Variants in CLHC1 observed in about 807,000 individuals in gnomAD.
CLHC1 encodes the protein clathrin heavy chain linker domain-containing protein 1.
A neutral mutation model predicts 69.5 loss-of-function variants in CLHC1; 72 were observed. The ratio of observed to expected loss-of-function variants is 1.04; its 90% confidence interval spans 0.86 to 1.26. The LOEUF is 1.26. Ranked by LOEUF, CLHC1 falls within the 50% of genes most tolerant of loss-of-function variation. CLHC1 has a pLI of 0.00. For missense variants in CLHC1, 790 were observed against 679.3 expected (o/e 1.16, Z -1.81); for synonymous variants, 223 against 224.3 (o/e 0.99, Z 0.05).
intron 9 of CLHC1, among the ~76,000 whole-genome samples, chr2:55,203,279 T>A (rs971222152): frequency 1.3e-5 from 2 of 152,134 alleles, no homozygotes; most frequent in African/African-American, 4.8e-5. Flanking sequence ...CAAAATACCA[T>A]GAAATTCTTC....
At chr2:55,200,501 C>G (rs1012662047) in intron 9 of CLHC1, among the ~76,000 whole-genome samples, 1 of 151,896 alleles carries the variant, frequency 6.6e-6, no homozygotes, top group South Asian at 2.1e-4. Flanking sequence ...TATATATGCC[C>G]CTAACACTGG....
chr2:55,200,952 A>G (rs1671891438), intron 9 of CLHC1, among the ~76,000 whole-genome samples: 1 of 152,190 alleles, frequency 6.6e-6, no homozygotes. Flanking sequence ...TGAAGAGATT[A>G]ACAAGGAAAT....
At chr2:55,215,525 C>T (rs182224974) in intron 4 of CLHC1, among the ~76,000 whole-genome samples, 7 of 152,290 alleles carry the variant, frequency 4.6e-5, no homozygotes, top group African/African-American at 7.2e-5. Flanking sequence ...ATTTCGTTGG[C>T]CCCAGATAAA....
Position 55,175,786 on chromosome 2 carries a change from A to G in CLHC1, c.*4T>C, listed in dbSNP as rs372321544. 2 of 1,611,930 alleles carry G rather than the reference A, an allele frequency of 1.2e-6. No homozygotes were observed. Among genetic ancestry groups the G allele is most frequent in the Non-Finnish European group, 1.7e-6 (2 of 1,178,384 alleles). ...AAGCTCCCTCAGCTGGTTAAGATAT[A>G]GAACTACCAAAACACATGTTCCATT... is the stretch of plus-strand genomic sequence containing the variant. On this transcript the variant is annotated 3_prime_UTR_variant, in exon 13 of 13. Coordinates refer to ENST00000401408, the MANE Select transcript of CLHC1 (RefSeq NM_152385.4).
chr2:55,202,787 G>A (rs1392891104), intron 9 of CLHC1, among the ~76,000 whole-genome samples: 4 of 147,822 alleles, frequency 2.7e-5, no homozygotes, highest in Non-Finnish European at 4.5e-5. Context: ...TTGGCCCAGC[G>A]ACTCGGGAGG....
rs746737398 is a variant in CLHC1, at chr2:55,206,346, A to T, written c.930T>A (p.Tyr310Ter). 6.2e-7 allele frequency: 1 copy of T among 1,608,522 alleles called. No homozygotes were observed. The highest frequency in any genetic ancestry group is 8.5e-7 in the Non-Finnish European group (1 of 1,175,562). Reference protein sequence around the residue: ...RFNELISLGEYEKAACYAANS... With the variant: ...RFNELISLGE ...TTGCTGCATAACAAGCTGCCTTTTC[A>T]TATTCACCAAGTGAGATTAACTCAT... The change falls in exon 9 of 13, where the codon TAT (tyrosine) becomes TAA (stop). Residue 310 changes from tyrosine to a stop codon, truncating the protein, a stop_gained. Transcript: ENST00000401408. LOFTEE classifies it high-confidence loss of function.
At position 55,172,832 on chromosome 2, in the gene CLHC1, G is replaced by T. The variant is rs1378210875; in HGVS notation, c.*2958C>A. 6.6e-6 allele frequency among the ~76,000 whole-genome samples: 1 copy of T among 151,998 alleles called. No homozygotes were observed. The stretch of plus-strand genomic sequence containing the variant: ...AGTTAAAAAAGTGATTAATTTAATG[G>T]TCATTTCTTAGTTAATTCAGGATTT... On this transcript the variant is annotated 3_prime_UTR_variant, in exon 13 of 13. Coordinates refer to ENST00000401408, the MANE Select transcript of CLHC1 (RefSeq NM_152385.4).
intron 7 of CLHC1, 145 bp from the exon 8 acceptor site, chr2:55,208,855 T>A (rs964420868): frequency 5.0e-5 from 21 of 417,826 alleles, no homozygotes; most frequent in Non-Finnish European, 8.5e-5. Flanking sequence ...GGCCTCCCCG[T>A]CCCTTTCCTC....
rs750739529 is a variant in CLHC1 at position 55,173,872 on chromosome 2, TAAC to T, written c.*1915_*1917del. Among the ~76,000 whole-genome samples the T allele has an allele frequency of 6.6e-6, 1 of 152,162 alleles. No homozygotes were observed. Among genetic ancestry groups the T allele is most frequent in the African/African-American group, 2.4e-5 (1 of 41,436 alleles). On this transcript the variant is annotated 3_prime_UTR_variant, in exon 13 of 13. Transcript: ENST00000401408. ...AAGGAAAAACAAGGCAAAATTAGAA[TAAC>T]AACAACAACCGCTGTTTAAGCTTTC...
At chr2:55,229,525 C>T (rs1277506481) in intron 1 of CLHC1, among the ~76,000 whole-genome samples, 2 of 152,118 alleles carry the variant, frequency 1.3e-5, no homozygotes, top group East Asian at 3.8e-4. Flanking sequence ...AGGTAACTGC[C>T]AGATTATGTA....
At chr2:55,191,652 T>C (rs917472514) in intron 9 of CLHC1, among the ~76,000 whole-genome samples, 2 of 152,108 alleles carry the variant, frequency 1.3e-5, no homozygotes, top group African/African-American at 4.8e-5. Flanking sequence ...CACTTGAGAA[T>C]AGAATGGAGT....
intron 9 of CLHC1, among the ~76,000 whole-genome samples, chr2:55,200,047 G>C (rs570308931): frequency 6.6e-6 from 1 of 151,888 alleles, no homozygotes; most frequent in Non-Finnish European, 1.5e-5. Flanking sequence ...AACATGGTGA[G>C]ACCTTGTCTC....
chr2:55,174,040 C>T lies in CLHC1; in HGVS notation c.*1750G>A, dbSNP rs1278902317. Among the ~76,000 whole-genome samples, 6 of 150,062 alleles carry T rather than the reference C, an allele frequency of 4.0e-5. No homozygotes were observed. The highest frequency in any genetic ancestry group is 1.5e-4 in the African/African-American group (6 of 40,794). On this transcript the variant is annotated 3_prime_UTR_variant, in exon 13 of 13. Transcript: ENST00000401408. ...AAAAAAAAAAAAAAAGGTTTTAAGC[C>T]GTTGGCACACAAAGAACCAGTGCTG...
intron 1 of CLHC1, among the ~76,000 whole-genome samples, chr2:55,230,893 A>T (rs1675251435): frequency 6.6e-6 from 1 of 152,184 alleles, no homozygotes; most frequent in Non-Finnish European, 1.5e-5. Flanking sequence ...ATTAGAGACA[A>T]TATGTACAAG....
At chr2:55,200,225 T>TAAAAA (rs34374033) in intron 9 of CLHC1, among the ~76,000 whole-genome samples, 1,783 of 52,590 alleles carry the variant, frequency 0.034, 45 homozygotes, top group Admixed American at 0.057. Flanking sequence ...AAGACTGTCT[T>TAAAAA]AAAAAAAAAA....
chr2:55,231,227 G>A (rs1282637673), intron 1 of CLHC1, among the ~76,000 whole-genome samples: 1 of 148,488 alleles, frequency 6.7e-6, no homozygotes, highest in Non-Finnish European at 1.5e-5. Context: ...TCCAGCCTGG[G>A]CAACAGAGCG....
chr2:55,209,032 G>A (rs993986178), intron 7 of CLHC1, among the ~76,000 whole-genome samples: 4 of 151,712 alleles, frequency 2.6e-5, no homozygotes, highest in Admixed American at 1.3e-4. Flanking sequence ...AACCACACCC[G>A]GCTAATTTTT....
intron 12 of CLHC1, among the ~76,000 whole-genome samples, chr2:55,176,633 A>G (rs940120481): frequency 6.6e-6 from 1 of 152,130 alleles, no homozygotes; most frequent in African/African-American, 2.4e-5. Context: ...TTTCTTATCT[A>G]TTACCTGCAT....
At chr2:55,227,722 A>G (rs1231946514) in intron 2 of CLHC1, among the ~76,000 whole-genome samples, 1 of 151,978 alleles carries the variant, frequency 6.6e-6, no homozygotes, top group African/African-American at 2.4e-5. Flanking sequence ...AGAGGAAGAA[A>G]CGGGTGTTAT....
Sources: gnomAD v4.1 joint callset for allele counts (sites outside exome capture counted in the v4.1 genomes callset) on GRCh38, gnomAD v4.1.1 for gene constraint, MANE v1.5 for transcripts, NCBI Gene and HGNC (gene_info 2026-07-23, HGNC 2026-07-21) for gene names.